LRMDA: variants seen among roughly 807,000 people sequenced by gnomAD.
The protein encoded by LRMDA is leucine rich melanocyte differentiation associated, also known as leucine-rich melanocyte differentiation-associated protein.
In LRMDA, 18 loss-of-function variants were observed where a neutral mutation model predicts 29.8. The ratio of observed to expected loss-of-function variants is 0.60; its 90% CI spans 0.42 to 0.90. The LOEUF is 0.90. Ranked by LOEUF, LRMDA falls within the 40% of genes least tolerant of loss-of-function variation. The probability of loss-of-function intolerance (pLI) is 0.00; values close to 1 mark genes in which losing one functional copy is unlikely to be tolerated. For missense variants in LRMDA, 273 were observed against 273.9 expected (o/e 1.00, Z 0.02); for synonymous variants, 125 against 109.4 (o/e 1.14, Z -0.89).
chr10:76,053,872 G>C (rs1206775058), intron 4 of LRMDA, among the ~76,000 whole-genome samples: 1 of 152,194 alleles, frequency 6.6e-6, no homozygotes, highest in Non-Finnish European at 1.5e-5. Context: ...AGCAGCATCA[G>C]CATCACCTGG....
chr10:75,995,172 T>C (rs112496582), intron 2 of LRMDA, among the ~76,000 whole-genome samples: 2,352 of 152,278 alleles, frequency 0.015, 72 homozygotes, highest in African/African-American at 0.053. Flanking sequence ...CTGTGAGCAG[T>C]TCCCAAGCAT....
intron 5 of LRMDA, among the ~76,000 whole-genome samples, chr10:76,227,048 C>T (rs1273236729): frequency 6.6e-6 from 1 of 152,284 alleles, no homozygotes; most frequent in Admixed American, 6.5e-5. Flanking sequence ...TGTCAAAGTG[C>T]CTCTACCTGT....
At chr10:75,962,254 CT>C (rs1846781035) in intron 2 of LRMDA, among the ~76,000 whole-genome samples, 2 of 152,174 alleles carry the variant, frequency 1.3e-5, no homozygotes, top group South Asian at 4.1e-4. Flanking sequence ...AAGCAAGTCA[CT>C]TGTTTCTCTG....
intron 6 of LRMDA, among the ~76,000 whole-genome samples, chr10:76,487,251 T>A (rs1198669599): frequency 6.6e-6 from 1 of 151,884 alleles, no homozygotes; most frequent in Non-Finnish European, 1.5e-5. Flanking sequence ...GACATTACTT[T>A]TAGATGGTGA....
chr10:76,490,529 A>C (rs959451584), intron 6 of LRMDA, among the ~76,000 whole-genome samples: 4 of 151,930 alleles, frequency 2.6e-5, no homozygotes, highest in Admixed American at 2.6e-4. Flanking sequence ...TTCATTATAC[A>C]GTGATCTTCT....
intron 5 of LRMDA, among the ~76,000 whole-genome samples, chr10:76,158,499 G>A (rs1384537134): frequency 2.0e-5 from 3 of 151,936 alleles, no homozygotes; most frequent in Admixed American, 6.6e-5. Flanking sequence ...AGAGTAGAAA[G>A]CTCAGTCTTA....
At position 76,363,176 on chromosome 10, in the gene LRMDA, A is replaced by AGAAAGAAAGAAAGAAGGGAG. The variant is rs1459442138; in HGVS notation, c.601+38692_601+38693insAAAGAAAGAAAGAAGGGAGG. Among the ~76,000 whole-genome samples the AGAAAGAAAGAAAGAAGGGAG allele has an allele frequency of 5.1e-4, 11 of 21,750 alleles. 1 individual carries two copies. The highest frequency in any genetic ancestry group is 9.3e-4 in the Non-Finnish European group (8 of 8,596). The allele number at this position is 21,750 out of a possible 152,430, so 14.3% of individuals were successfully genotyped here. A position where few individuals can be genotyped will look rare whatever the true frequency, so the allele number is the denominator to read the frequency against. ...AAGAAAGAAAGAAAGAAAGAAAGAA[A>AGAAAGAAAGAAAGAAGGGAG]GGAGGGAGGGAGGGAGGGAGGGAGG... On this transcript the variant is annotated intron_variant, in intron 6 of 6. Transcript: ENST00000611255.
At chr10:75,471,235 G>C (rs113126253) in intron 2 of LRMDA, among the ~76,000 whole-genome samples, 32 of 151,784 alleles carry the variant, frequency 2.1e-4, no homozygotes, top group Non-Finnish European at 5.9e-5. Flanking sequence ...GTGTGAGTGG[G>C]GTGTGGTTCT....
At chr10:75,967,832 C>T (rs1846892590) in intron 2 of LRMDA, among the ~76,000 whole-genome samples, 1 of 152,050 alleles carries the variant, frequency 6.6e-6, no homozygotes, top group South Asian at 2.1e-4. Flanking sequence ...CCCTGGGAGG[C>T]CCACGAGTTA....
At chr10:76,167,440 C>T (rs1034424341) in intron 5 of LRMDA, among the ~76,000 whole-genome samples, 4 of 151,828 alleles carry the variant, frequency 2.6e-5, no homozygotes, top group South Asian at 2.1e-4. Context: ...ATATGATGTA[C>T]GGAAGGGGTC....
At chr10:75,539,494 GA>G (rs1839989670) in intron 2 of LRMDA, among the ~76,000 whole-genome samples, 1 of 152,138 alleles carries the variant, frequency 6.6e-6, no homozygotes. Flanking sequence ...ACCTTAGACT[GA>G]ACTCTTTCCT....
At chr10:76,189,956 C>T (rs1008520166) in intron 5 of LRMDA, among the ~76,000 whole-genome samples, 4 of 152,150 alleles carry the variant, frequency 2.6e-5, no homozygotes, top group African/African-American at 2.4e-5. Flanking sequence ...GGCTACGCAC[C>T]GCAACTAGTA....
chr10:76,015,991 A>G (rs938143976), intron 2 of LRMDA, among the ~76,000 whole-genome samples: 10 of 151,994 alleles, frequency 6.6e-5, no homozygotes, highest in Non-Finnish European at 1.5e-4. Flanking sequence ...TGTAGCACTT[A>G]TTTTCTATAT....
intron 5 of LRMDA, among the ~76,000 whole-genome samples, chr10:76,094,931 G>A (rs578005090): frequency 6.3e-4 from 96 of 152,126 alleles, no homozygotes; most frequent in African/African-American, 2.2e-3. Context: ...TTTCCAAGAA[G>A]GTACCAAAGA....
intron 5 of LRMDA, among the ~76,000 whole-genome samples, chr10:76,271,610 A>G (rs1006912741): frequency 6.6e-6 from 1 of 151,968 alleles, no homozygotes; most frequent in African/African-American, 2.4e-5. Flanking sequence ...TCAAACTATG[A>G]TCTCATTTTG....
intron 2 of LRMDA, among the ~76,000 whole-genome samples, chr10:75,978,135 A>T (rs968002934): frequency 3.3e-5 from 5 of 152,184 alleles, no homozygotes; most frequent in Non-Finnish European, 7.4e-5. Context: ...CAAGGGATGG[A>T]TGGTGTGTTC....
At chr10:76,179,289 A>G (rs752750605) in intron 5 of LRMDA, among the ~76,000 whole-genome samples, 2 of 151,808 alleles carry the variant, frequency 1.3e-5, no homozygotes, top group Non-Finnish European at 2.9e-5. Flanking sequence ...TGCTCTCCCC[A>G]CCTTGGACTT....
At chr10:75,508,106 T>A (rs1164953237) in intron 2 of LRMDA, among the ~76,000 whole-genome samples, 1 of 152,244 alleles carries the variant, frequency 6.6e-6, no homozygotes, top group African/African-American at 2.4e-5. Flanking sequence ...TTCTTCTGAA[T>A]CTGTAAAATT....
chr10:75,854,946 T>C (rs1340739698), intron 2 of LRMDA, among the ~76,000 whole-genome samples: 5 of 152,206 alleles, frequency 3.3e-5, no homozygotes, highest in Admixed American at 2.6e-4. Context: ...ATGTGCCACA[T>C]TTTCTTAATC....
Sources: gnomAD v4.1 joint callset for allele counts (sites outside exome capture counted in the v4.1 genomes callset) on GRCh38, gnomAD v4.1.1 for gene constraint, MANE v1.5 for transcripts, NCBI Gene and HGNC (gene_info 2026-07-23, HGNC 2026-07-21) for gene names.